Variants in WDR62 observed in about 807,000 individuals in gnomAD.
The protein encoded by WDR62 is WD repeat domain 62.
Under a neutral mutation model 160.6 loss-of-function variants are expected in WDR62, and 112 were observed. The observed-to-expected ratio is 0.70, with a 90% CI of 0.60 to 0.82. WDR62 has a LOEUF of 0.82. Among genes scored for constraint, WDR62 ranks in the 40% least tolerant of loss-of-function variants. The pLI is 0.00. For missense variants in WDR62, 1,819 were observed against 1,983.8 expected (o/e 0.92, Z 1.58); for synonymous variants, 792 against 815.1 (o/e 0.97, Z 0.48).
intron 9 of WDR62, among the ~76,000 whole-genome samples, chr19:36,078,886 AAT>A (rs940564007): frequency 1.5e-4 from 22 of 150,006 alleles, no homozygotes; most frequent in African/African-American, 5.2e-4. Context: ...TTTTTGTGAA[AAT>A]ATGTTTCTGC....
In WDR62 at chr19:36,103,627, G is replaced by C. The variant is rs1231872737; in HGVS notation, c.3799G>C (p.Ala1267Pro). The C allele has an allele frequency of 6.2e-7, 1 of 1,610,740 alleles. No individual in the cohort carries two copies. Among genetic ancestry groups the C allele is most frequent in the African/African-American group, 1.3e-5 (1 of 74,774 alleles). Residue 1267 changes from alanine (A) to proline (P), a missense_variant, in exon 30 of 32, where the codon GCC becomes CCC. This residue lies in a region of WDR62 where 770 missense variants were observed against 734.2 expected (regional missense o/e 1.05). Coordinates refer to ENST00000401500, the MANE Select transcript of WDR62 (RefSeq NM_001083961.2). ...GGCCTCCTTGGGCCAGGAGCTTCAGGCCATCACCACCGCGACAACACCCAG... is the reference window on the plus strand; with the variant it reads ...GGCCTCCTTGGGCCAGGAGCTTCAGCCCATCACCACCGCGACAACACCCAG... ...ELASLGQELQ[A>P]ITTATTPSLD...
At position 36,096,718 on chromosome 19, in the gene WDR62, G is replaced by A. The variant is rs10853946; in HGVS notation, c.2468-309G>A. 0.74 allele frequency among the ~76,000 whole-genome samples: 109,174 copies of A among 147,988 alleles called. 40,321 individuals are homozygous for A. The highest frequency in any genetic ancestry group is 0.81 in the East Asian group (4,074 of 5,002). Reference sequence around the variant, plus strand: ...AGAGCGAGACTCCGTCTCAAAAAAAGAAAAAAAAAGAGAACCCCAAGAGTT... The same window carrying A: ...AGAGCGAGACTCCGTCTCAAAAAAAAAAAAAAAAAGAGAACCCCAAGAGTT... On this transcript the variant is annotated intron_variant, in intron 20 of 31. Transcript: ENST00000401500.
chr19:36,073,198 A>G (rs1971391000), intron 8 of WDR62, 144 bp from the exon 9 acceptor site: 2 of 839,528 alleles, frequency 2.4e-6, no homozygotes, highest in South Asian at 1.4e-5. Flanking sequence ...GAAGAGGGAA[A>G]AGTAGAATTG....
chr19:36,104,113 A>G (rs1214856043), intron 30 of WDR62, 132 bp downstream of exon 30: 5 of 1,206,568 alleles, frequency 4.1e-6, no homozygotes, highest in Non-Finnish European at 5.9e-6. Context: ...TAACTTAAAT[A>G]TTTAATGAGC....
At position 36,054,946 on chromosome 19, in the gene WDR62, A is replaced by G. The variant is rs1445234738; in HGVS notation, c.-26A>G. 1.3e-6 allele frequency: 2 copies of G among 1,565,082 alleles called. No individual in the cohort carries two copies. The highest frequency in any genetic ancestry group is 1.7e-4 in the Middle Eastern group (1 of 5,782). ...GGCGGCAGCGGCGGTTAGGGGATGTAACGGTCGCCCGCCTCCGGCGTGACG... is the reference window on the plus strand; with the variant it reads ...GGCGGCAGCGGCGGTTAGGGGATGTGACGGTCGCCCGCCTCCGGCGTGACG... On this transcript the variant is annotated 5_prime_UTR_variant, in exon 1 of 32. The change abolishes the stop of an existing upstream ORF in the 5' untranslated region. Transcript: ENST00000401500.
At chr19:36,103,119 C>T in intron 28 of WDR62, 37 bp from the exon 29 acceptor site, 1 of 1,614,054 alleles carries the variant, frequency 6.2e-7, no homozygotes, top group Non-Finnish European at 8.5e-7. Flanking sequence ...GCTGGGAACC[C>T]TGAGGCCTTG....
Position 36,066,447 on chromosome 19 carries a change from C to A in WDR62, c.561+20C>A. On this transcript the variant is annotated intron_variant, in intron 5 of 31. Coordinates refer to ENST00000401500, the MANE Select transcript of WDR62 (RefSeq NM_001083961.2). ...TGGAAGGTAAGAGCCGACCAGCAGG[C>A]CTGTGGCAGGCAGCCAGCTGCCACA... The A allele has an allele frequency of 6.3e-7, 1 of 1,577,454 alleles. No homozygotes were observed. Among genetic ancestry groups the A allele is most frequent in the East Asian group, 2.3e-5 (1 of 42,600 alleles).
In WDR62 at chr19:36,089,069, G is replaced by T; in HGVS notation, c.1800G>T (p.Gly600=). 6.2e-7 allele frequency: 1 copy of T among 1,614,144 alleles called. No individual in the cohort carries two copies. Among genetic ancestry groups the T allele is most frequent in the Non-Finnish European group, 8.5e-7 (1 of 1,180,028 alleles). Residue 600 remains glycine, a synonymous_variant, in exon 14 of 32, where the codon GGG becomes GGT. Coordinates refer to ENST00000401500, the MANE Select transcript of WDR62 (RefSeq NM_001083961.2). ...GNRDIQMISC[G]ADKSIYFRSA... ...GAGACATCCAGATGATCAGCTGTGG[G>T]GCTGACAAGAGCATCTACTTTCGCA...
chr19:36,055,138 T>C lies in WDR62; in HGVS notation c.167T>C (p.Val56Ala). ...TRLSTASEET[V>A]QNRVSLEKVL... ...CTCTCGACGGCCTCCGAGGAGACGG[T>C]GCAGAACCGGGTGAGAAGCTGCTCG... Residue 56 changes from valine (V) to alanine (A), a missense_variant, in exon 1 of 32, where the codon GTG (valine) becomes GCG (alanine). Val to Ala is a moderately conservative substitution (Grantham distance 64). Coordinates refer to ENST00000401500, the MANE Select transcript of WDR62 (RefSeq NM_001083961.2). 2 of 1,608,016 alleles carry C rather than the reference T, an allele frequency of 1.2e-6. No homozygotes were observed. Among genetic ancestry groups the C allele is most frequent in the Non-Finnish European group, 1.7e-6 (2 of 1,178,270 alleles).
chr19:36,099,428 G>A lies in WDR62; in HGVS notation c.2550G>A (p.Leu850=), dbSNP rs1371326475. ...GGGACGATGATGTGGCAGATGGCTT[G>A]GCCTTCCACGCCAAGCGCAGCTACC... ...LLGDDDVADG[L]AFHAKRSYQP... is the part of the protein sequence containing the mutation. The change falls in exon 22 of 32, where the codon TTG becomes TTA. Residue 850 remains leucine, a synonymous_variant. Coordinates refer to ENST00000401500, the MANE Select transcript of WDR62 (RefSeq NM_001083961.2). 2.5e-6 allele frequency: 4 copies of A among 1,613,484 alleles called. No individual in the cohort carries two copies. Among genetic ancestry groups the A allele is most frequent in the African/African-American group, 1.3e-5 (1 of 74,932 alleles).
chr19:36,065,973 T>C lies in WDR62; in HGVS notation c.348T>C (p.Ala116=). 1 of 1,614,210 alleles carries C rather than the reference T, an allele frequency of 6.2e-7. No homozygotes were observed. Among genetic ancestry groups the C allele is most frequent in the South Asian group, 1.1e-5 (1 of 91,086 alleles). Residue 116 remains alanine, a synonymous_variant, in exon 4 of 32, where the codon GCT becomes GCC. Transcript: ENST00000401500. ...IFNTARKSLS[A]LAFSPDGKYI... is the part of the protein sequence containing the mutation. ...TTATCCCCAGGAAGTCTCTCAGTGC[T>C]CTGGCCTTCTCCCCTGATGGGAAGT...
intron 12 of WDR62, among the ~76,000 whole-genome samples, chr19:36,086,288 A>T (rs893161554): frequency 2.0e-5 from 3 of 152,126 alleles, no homozygotes; most frequent in African/African-American, 7.2e-5. Context: ...GACCTGAACA[A>T]GGCCCAGGTA....
Position 36,091,408 on chromosome 19 carries a change from T to C in WDR62, c.2153T>C (p.Ile718Thr). The change falls in exon 18 of 32, where the codon ATT becomes ACT. Residue 718 changes from isoleucine (I) to threonine (T), a missense_variant. Physicochemically the swap from Ile to Thr is moderately conservative, Grantham distance 89 (BLOSUM62 -1). Around this residue, in one of 3 missense-constraint regions of WDR62, gnomAD observed 934 missense variants for 1,157.2 expected, o/e 0.81. Transcript: ENST00000401500. ...CTCTCTGCTTTGTTTGCAGAAATTATTACCAGCATGAAGTTCACCTATGAC... is the reference window on the plus strand; with the variant it reads ...CTCTCTGCTTTGTTTGCAGAAATTACTACCAGCATGAAGTTCACCTATGAC... ...IAKMFGHSEIITSMKFTYDCH... is the reference protein window; with the variant it reads ...IAKMFGHSEITTSMKFTYDCH... 1 of 1,608,042 alleles carries C rather than the reference T, an allele frequency of 6.2e-7. No homozygotes were observed. Among genetic ancestry groups the C allele is most frequent in the Non-Finnish European group, 8.5e-7 (1 of 1,176,234 alleles).
chr19:36,057,729 A>G lies in WDR62; in HGVS notation c.178-1051A>G, dbSNP rs147814210. Among the ~76,000 whole-genome samples the G allele has an allele frequency of 3.9e-3, 594 of 152,242 alleles. 3 individuals are homozygous for G. Among genetic ancestry groups the G allele is most frequent in the African/African-American group, 0.014 (570 of 41,542 alleles). ...ACAGGGTTTCGCCATCTTGGCCAGGATGGTCTCAAACTCTTGACTGAGCCA... is the reference window on the plus strand; with the variant it reads ...ACAGGGTTTCGCCATCTTGGCCAGGGTGGTCTCAAACTCTTGACTGAGCCA... On this transcript the variant is annotated intron_variant, in intron 1 of 31. Transcript: ENST00000401500.
At chr19:36,108,058 C>CA (rs1973744660), downstream of WDR62, among the ~76,000 whole-genome samples, 1 of 152,004 alleles carries the variant, frequency 6.6e-6, no homozygotes. Context: ...CCCCAGGCCA[C>CA]AAGGCACAAA....
intron 20 of WDR62, among the ~76,000 whole-genome samples, chr19:36,095,835 C>T (rs1488544425): frequency 6.6e-6 from 1 of 152,170 alleles, no homozygotes; most frequent in Non-Finnish European, 1.5e-5. Context: ...AATTATGTTG[C>T]GGATATTGTC....
intron 17 of WDR62, 30 bp from the exon 18 acceptor site, chr19:36,091,372 G>GC: frequency 1.3e-6 from 2 of 1,591,872 alleles, no homozygotes; most frequent in African/African-American, 2.7e-5. Context: ...GACTCCGAAG[G>GC]CAAGTGCAGC....
chr19:36,067,341 TAG>T lies in WDR62; in HGVS notation c.600_601del (p.Arg200SerfsTer31), dbSNP rs1480410450. On this transcript the variant is annotated frameshift_variant, in exon 6 of 32. Coordinates refer to ENST00000401500, the MANE Select transcript of WDR62 (RefSeq NM_001083961.2). LOFTEE classifies it high-confidence loss of function. ...TAGTGGCCTCCAACAAGGTATCTTG[TAG>T]AGTCATTGCCCTCTCCTTCTCAGAG... Reference protein sequence around the residue: ...IVVASNKVSCRVIALSFSEDS... With the variant: ...IVVASNKVSCXVIALSFSEDS... 1 of 1,614,094 alleles carries T rather than the reference TAG, an allele frequency of 6.2e-7. No homozygotes were observed. Among genetic ancestry groups the T allele is most frequent in the Non-Finnish European group, 8.5e-7 (1 of 1,180,040 alleles).
At chr19:36,097,123 A>G (rs776383572) in intron 21 of WDR62, 44 bp downstream of exon 21, 2 of 1,590,756 alleles carry the variant, frequency 1.3e-6, no homozygotes, top group East Asian at 4.5e-5. Context: ...GGCAGAGGAA[A>G]CGCCTCCCCA....
Sources: allele counts gnomAD v4.1 joint callset (sites outside exome capture counted in the v4.1 genomes callset), GRCh38; gene constraint gnomAD v4.1.1; regional missense constraint gnomAD v4.1.1; transcripts MANE v1.5; gene names NCBI Gene and HGNC (gene_info 2026-07-23, HGNC 2026-07-21).